The following URI1 variants were observed in gnomAD, a reference collection of about 807,000 sequenced individuals.
URI1 encodes URI1 prefoldin like chaperone.
In URI1, 39 loss-of-function variants were observed where a neutral mutation model predicts 60.2. The observed-to-expected ratio is 0.65, with a 90% CI of 0.50 to 0.85. The LOEUF (loss-of-function observed/expected upper bound fraction) is 0.85. URI1 is among the 40% of genes least tolerant of loss of function. URI1 has a pLI of 0.00. For missense variants in URI1, 691 were observed against 665.9 expected, an observed-to-expected ratio of 1.04 and a Z score of -0.42; for synonymous variants, 251 against 236.8, an observed-to-expected ratio of 1.06 and a Z score of -0.55.
At chr19:29,952,144 A>G (rs2055188019) in intron 1 of URI1, among the ~76,000 whole-genome samples, 2 of 152,226 alleles carry the variant, frequency 1.3e-5, no homozygotes, top group African/African-American at 2.4e-5. Context: ...TTATATTTTT[A>G]AGTAATTTTT....
intron 4 of URI1, among the ~76,000 whole-genome samples, chr19:29,988,911 T>C (rs116166300): frequency 6.6e-6 from 1 of 152,194 alleles, no homozygotes; most frequent in Non-Finnish European, 1.5e-5. Context: ...CAGTGTGTGA[T>C]AGTGGTATCT....
At chr19:29,936,362 C>G (rs1037792271) in intron 1 of URI1, among the ~76,000 whole-genome samples, 15 of 152,344 alleles carry the variant, frequency 9.8e-5, no homozygotes, top group African/African-American at 3.6e-4. Context: ...CTCGGCCTCC[C>G]AAAGTGCTGG....
intron 1 of URI1, among the ~76,000 whole-genome samples, chr19:29,948,475 T>A (rs1314771433): frequency 6.6e-6 from 1 of 152,264 alleles, no homozygotes; most frequent in Non-Finnish European, 1.5e-5. Context: ...TAAATTGATT[T>A]AATTATGGTA....
At chr19:29,956,535 C>A in intron 1 of URI1, 1 of 1,546,364 alleles carries the variant, frequency 6.5e-7, no homozygotes. Flanking sequence ...TTGAAACAAG[C>A]TCAGTGTCAT....
At chr19:29,955,879 C>T (rs2145270942) in intron 1 of URI1, among the ~76,000 whole-genome samples, 1 of 152,290 alleles carries the variant, frequency 6.6e-6, no homozygotes, top group East Asian at 1.9e-4. Context: ...GCGTGAGCCA[C>T]CGTGCCTGGC....
chr19:29,935,102 A>C (rs1027496072), intron 1 of URI1, among the ~76,000 whole-genome samples: 1 of 151,944 alleles, frequency 6.6e-6, no homozygotes, highest in Non-Finnish European at 1.5e-5. Flanking sequence ...CAATTCCTCC[A>C]CTACTACATT....
Position 30,009,249 on chromosome 19 carries a change from GACA to G in URI1, c.935_937del (p.Asn312del), listed in dbSNP as rs1568447002. 1.9e-6 allele frequency: 3 copies of G among 1,612,794 alleles called. No individual in the cohort carries two copies. The highest frequency in any genetic ancestry group is 2.7e-5 in the African/African-American group (2 of 74,790). On this transcript the variant is annotated inframe_deletion, in exon 8 of 11. Coordinates refer to ENST00000392271, the MANE Select transcript of URI1 (RefSeq NM_003796.3). Reference sequence around the variant, plus strand: ...TGATGATGATGATGACGACGACGACGACAACATTGACGACGATGATGGTGATAA... The same window carrying G: ...TGATGATGATGATGACGACGACGACGACATTGACGACGATGATGGTGATAA...
At chr19:29,981,038 C>T (rs754994203) in intron 2 of URI1, among the ~76,000 whole-genome samples, 2 of 151,114 alleles carry the variant, frequency 1.3e-5, no homozygotes, top group African/African-American at 2.4e-5. Context: ...AATTTTATCT[C>T]CCTTTTTTAT....
intron 4 of URI1, among the ~76,000 whole-genome samples, chr19:30,000,322 C>T (rs916887058): frequency 3.3e-5 from 5 of 151,854 alleles, no homozygotes; most frequent in Non-Finnish European, 5.9e-5. Context: ...AAAGGAGAGC[C>T]GTCTTCCTGG....
chr19:29,932,681 C>T lies in URI1; in HGVS notation c.63+8927C>T, dbSNP rs1434264120. Among the ~76,000 whole-genome samples the T allele has an allele frequency of 9.2e-5, 12 of 130,460 alleles. No individual in the cohort carries two copies. The Admixed American group carries it at 1.0e-3, about 11-fold the overall frequency. The allele number at this position is 130,460 out of a possible 152,430, so 85.6% of individuals were successfully genotyped here. A position where few individuals can be genotyped will look rare whatever the true frequency, so the allele number is the denominator to read the frequency against. ...TTTTTTTTTTTTTTAGACTGAGTTTCCCTCTTGTTGCCCGGGCTGGAGTGC... is the reference window on the plus strand; with the variant it reads ...TTTTTTTTTTTTTTAGACTGAGTTTTCCTCTTGTTGCCCGGGCTGGAGTGC... On this transcript the variant is annotated intron_variant, in intron 1 of 10. Transcript: ENST00000360605.
At chr19:29,932,669 TAGACTGAG>T (rs2054932394) in intron 1 of URI1, among the ~76,000 whole-genome samples, 1 of 149,998 alleles carries the variant, frequency 6.7e-6, no homozygotes, top group Non-Finnish European at 1.5e-5. Context: ...TTTTTTTTTT[TAGACTGAG>T]TTTCCCTCTT....
chr19:29,981,825 G>C (rs1223880065), intron 2 of URI1, among the ~76,000 whole-genome samples: 1 of 151,808 alleles, frequency 6.6e-6, no homozygotes, highest in African/African-American at 2.4e-5. Context: ...TTTGATTACT[G>C]TAATGACTCC....
intron 1 of URI1, among the ~76,000 whole-genome samples, chr19:29,953,195 C>T (rs909235648): frequency 1.3e-5 from 2 of 152,094 alleles, no homozygotes; most frequent in Non-Finnish European, 2.9e-5. Context: ...AGCCATTAAC[C>T]ACATGTGGCT....
chr19:29,990,981 C>G (rs1225778706), intron 4 of URI1, among the ~76,000 whole-genome samples: 1 of 152,082 alleles, frequency 6.6e-6, no homozygotes, highest in Non-Finnish European at 1.5e-5. Flanking sequence ...TTGCTGATGC[C>G]ACTCTGTTTT....
At chr19:29,973,411 G>A (rs946998211) in intron 2 of URI1, among the ~76,000 whole-genome samples, 3 of 152,028 alleles carry the variant, frequency 2.0e-5, no homozygotes, top group African/African-American at 7.2e-5. Context: ...TTAACCCTTG[G>A]TATTAGCCTA....
chr19:29,955,872 T>G (rs2055239881), intron 1 of URI1, among the ~76,000 whole-genome samples: 1 of 151,928 alleles, frequency 6.6e-6, no homozygotes, highest in South Asian at 2.1e-4. Flanking sequence ...ATTACAGGCG[T>G]GAGCCACCGT....
At chr19:29,927,966 C>G (rs985721689) in intron 1 of URI1, among the ~76,000 whole-genome samples, 5 of 152,120 alleles carry the variant, frequency 3.3e-5, no homozygotes, top group Admixed American at 3.3e-4. Flanking sequence ...ACACTCCAGG[C>G]TAGATTAGAA....
intron 1 of URI1, among the ~76,000 whole-genome samples, chr19:29,951,411 C>G (rs895744129): frequency 1.9e-4 from 29 of 152,158 alleles, no homozygotes; most frequent in African/African-American, 5.8e-4. Context: ...AACTCTAGCA[C>G]CCCCCCCTTT....
chr19:29,988,749 G>A (rs1171277525), intron 4 of URI1, among the ~76,000 whole-genome samples: 1 of 152,194 alleles, frequency 6.6e-6, no homozygotes, highest in African/African-American at 2.4e-5. Flanking sequence ...GTAAGCCTTT[G>A]TGTACAGGTT....
Sources: allele counts gnomAD v4.1 joint callset (sites outside exome capture counted in the v4.1 genomes callset), GRCh38; gene constraint gnomAD v4.1.1; transcripts MANE v1.5; gene names NCBI Gene and HGNC (gene_info 2026-07-23, HGNC 2026-07-21).